The following SPECC1 variants were observed in gnomAD, a reference collection of about 807,000 sequenced individuals.
The protein encoded by SPECC1 is cytospin-B.
A neutral mutation model predicts 104.1 loss-of-function variants in SPECC1; 62 were observed. The ratio of observed to expected loss-of-function variants is 0.60; its 90% CI spans 0.49 to 0.74. The LOEUF (loss-of-function observed/expected upper bound fraction) is 0.74. Ranked by LOEUF, SPECC1 falls within the 30% of genes least tolerant of loss-of-function variation. The probability of loss-of-function intolerance (pLI) is 0.00; values close to 1 mark genes in which losing one functional copy is unlikely to be tolerated. For missense variants in SPECC1, 1,306 were observed against 1,310.5 expected, an observed-to-expected ratio of 1.00 and a Z score of 0.05; for synonymous variants, 513 against 501.6, an observed-to-expected ratio of 1.02 and a Z score of -0.30.
At chr17:20,238,135 CA>C (rs1241514467) in intron 7 of SPECC1, 42 of 1,030,130 alleles carry the variant, frequency 4.1e-5, no homozygotes, top group Admixed American at 1.1e-4. Flanking sequence ...GGTTGATTTC[CA>C]GAATCTTGTT....
chr17:20,245,876 C>T, intron 7 of SPECC1, 50 bp from the exon 8 acceptor site: 1 of 1,600,444 alleles, frequency 6.2e-7, no homozygotes, highest in African/African-American at 1.3e-5. Context: ...CTTTTTCTCC[C>T]ATGGGGATGT....
chr17:20,306,018 C>T lies in SPECC1; in HGVS notation c.3058-5C>T, dbSNP rs749573505. The T allele has an allele frequency of 1.5e-5, 25 of 1,613,364 alleles. No individual in the cohort carries two copies. The Middle Eastern group carries it at 5.0e-4, about 32-fold the overall frequency. Reference sequence around the variant, plus strand: ...GATTCCAGTCTCTTTGTCTTTTTAACTTAGAAGAGGAATCTCTTGTTGGCA... The same window carrying T: ...GATTCCAGTCTCTTTGTCTTTTTAATTTAGAAGAGGAATCTCTTGTTGGCA... On this transcript the variant is annotated splice_polypyrimidine_tract_variant and splice_region_variant and intron_variant, in intron 13 of 14. Coordinates refer to ENST00000395527, the MANE Select transcript of SPECC1 (RefSeq NM_001243439.2).
chr17:20,259,017 T>G (rs1275908341), intron 11 of SPECC1, among the ~76,000 whole-genome samples: 1 of 152,266 alleles, frequency 6.6e-6, no homozygotes, highest in Admixed American at 6.5e-5. Flanking sequence ...TAGTAAAACT[T>G]ACGAGTGAGT....
At chr17:20,099,108 A>G (rs1233702449) in intron 2 of SPECC1, among the ~76,000 whole-genome samples, 1 of 152,184 alleles carries the variant, frequency 6.6e-6, no homozygotes, top group East Asian at 1.9e-4. Flanking sequence ...AGATGAAGGT[A>G]ACACCTTCTT....
At position 20,205,372 on chromosome 17, in the gene SPECC1, G is replaced by A; in HGVS notation, c.1323G>A (p.Glu441=). The A allele has an allele frequency of 6.2e-7, 1 of 1,613,682 alleles. No individual in the cohort carries two copies. Among genetic ancestry groups the A allele is most frequent in the Non-Finnish European group, 8.5e-7 (1 of 1,179,952 alleles). Residue 441 remains glutamate (E), a synonymous_variant, in exon 4 of 15, where the codon GAG becomes GAA. Transcript: ENST00000395527. ...CAGAGCAGCTAAGTCAAGAAAATGA[G>A]AAGCTGATGAATCTTTTACAAGAGC... ...ERAEQLSQEN[E]KLMNLLQERV...
At chr17:20,224,832 C>G (rs540370569) in intron 4 of SPECC1, among the ~76,000 whole-genome samples, 42 of 151,884 alleles carry the variant, frequency 2.8e-4, no homozygotes, top group Non-Finnish European at 4.3e-4. Context: ...ATGAAGTCCC[C>G]TTTACTCTTC....
intron 1 of SPECC1, among the ~76,000 whole-genome samples, chr17:20,074,064 TC>T (rs2046663635): frequency 6.6e-6 from 1 of 152,194 alleles, no homozygotes; most frequent in Non-Finnish European, 1.5e-5. Flanking sequence ...GAGATTATTT[TC>T]CCATCCAGGG....
intron 1 of SPECC1, among the ~76,000 whole-genome samples, chr17:20,025,511 C>T (rs756387901): frequency 2.6e-5 from 4 of 152,092 alleles, no homozygotes; most frequent in Non-Finnish European, 5.9e-5. Context: ...ATAAGGTTTC[C>T]GAGATTCATC....
At chr17:20,055,968 C>T (rs552536340) in intron 1 of SPECC1, among the ~76,000 whole-genome samples, 1 of 152,284 alleles carries the variant, frequency 6.6e-6, no homozygotes, top group South Asian at 2.1e-4. Context: ...CTGCTTAGGG[C>T]TGAGCCTCTT....
At chr17:20,238,021 C>T (rs981273957) in intron 7 of SPECC1, 59 of 1,019,220 alleles carry the variant, frequency 5.8e-5, no homozygotes, top group Non-Finnish European at 6.6e-5. Flanking sequence ...GGATTACAGG[C>T]TTGAGACCCC....
intron 4 of SPECC1, among the ~76,000 whole-genome samples, chr17:20,210,425 A>G (rs2037061758): frequency 1.3e-5 from 2 of 152,226 alleles, no homozygotes. Flanking sequence ...AGGACAGCTC[A>G]GCATTGCCAA....
chr17:20,277,725 G>C (rs1225101963), intron 12 of SPECC1, among the ~76,000 whole-genome samples: 1 of 152,140 alleles, frequency 6.6e-6, no homozygotes, highest in Non-Finnish European at 1.5e-5. Context: ...TTAAACACGG[G>C]GTAGGGGACT....
At chr17:20,267,027 G>A (rs1007976714) in intron 12 of SPECC1, among the ~76,000 whole-genome samples, 15 of 152,100 alleles carry the variant, frequency 9.9e-5, no homozygotes, top group Non-Finnish European at 1.2e-4. Flanking sequence ...GCCGAGCTCC[G>A]GGCCAACTGC....
At chr17:20,081,090 C>A (rs576937177) in intron 1 of SPECC1, among the ~76,000 whole-genome samples, 60 of 152,288 alleles carry the variant, frequency 3.9e-4, no homozygotes, top group African/African-American at 1.4e-3. Context: ...ACCAAAGGGT[C>A]TTTTCCTTCC....
chr17:20,053,245 T>C (rs1365568728), intron 1 of SPECC1, among the ~76,000 whole-genome samples: 6 of 152,174 alleles, frequency 3.9e-5, no homozygotes, highest in African/African-American at 1.2e-4. Context: ...TGACTCCACT[T>C]CTTTTACCTT....
At chr17:20,067,804 A>G (rs1433921740) in intron 1 of SPECC1, among the ~76,000 whole-genome samples, 1 of 152,146 alleles carries the variant, frequency 6.6e-6, no homozygotes, top group Non-Finnish European at 1.5e-5. Context: ...AATAGTTGGC[A>G]CTGTCAAATT....
At chr17:20,046,906 C>CT (rs2045562153) in intron 1 of SPECC1, among the ~76,000 whole-genome samples, 1 of 151,662 alleles carries the variant, frequency 6.6e-6, no homozygotes, top group Non-Finnish European at 1.5e-5. Flanking sequence ...CCAGTGCGCA[C>CT]TGGAGGGCTC....
At chr17:20,019,368 C>T (rs2044281410) in intron 1 of SPECC1, among the ~76,000 whole-genome samples, 1 of 152,020 alleles carries the variant, frequency 6.6e-6, no homozygotes, top group African/African-American at 2.4e-5. Flanking sequence ...AATGACTTCT[C>T]CCAGTCAGAT....
At chr17:20,172,079 G>T (rs567580789) in intron 3 of SPECC1, among the ~76,000 whole-genome samples, 2 of 152,166 alleles carry the variant, frequency 1.3e-5, no homozygotes, top group Non-Finnish European at 2.9e-5. Flanking sequence ...TAGCTGAGTG[G>T]CCATAGAACT....
Sources: allele counts gnomAD v4.1 joint callset (sites outside exome capture counted in the v4.1 genomes callset), GRCh38; gene constraint gnomAD v4.1.1; transcripts MANE v1.5; gene names NCBI Gene and HGNC (gene_info 2026-07-23, HGNC 2026-07-21).